CPVL: variants seen among roughly 807,000 people sequenced by gnomAD.
The protein encoded by CPVL is probable serine carboxypeptidase CPVL.
Under a neutral mutation model 63.7 loss-of-function variants are expected in CPVL, and 51 were observed. The ratio of observed to expected loss-of-function variants is 0.80; its 90% CI spans 0.64 to 1.01. The LOEUF is 1.01. Ranked by LOEUF, CPVL falls within the 50% of genes least tolerant of loss-of-function variation. CPVL has a pLI of 0.00. For synonymous variants in CPVL, 195 were observed against 206.0 expected, an observed-to-expected ratio of 0.95 and a Z score of 0.46; for missense variants, 530 against 573.1, an observed-to-expected ratio of 0.92 and a Z score of 0.77.
At chr7:29,076,938 G>A (rs1475706919) in intron 7 of CPVL, among the ~76,000 whole-genome samples, 1 of 152,200 alleles carries the variant, frequency 6.6e-6, no homozygotes, top group East Asian at 1.9e-4. Context: ...GGAGCACATT[G>A]TACTTGTAAA....
At chr7:29,025,564 G>A (rs1403262341) in intron 12 of CPVL, among the ~76,000 whole-genome samples, 1 of 152,040 alleles carries the variant, frequency 6.6e-6, no homozygotes, top group Non-Finnish European at 1.5e-5. Flanking sequence ...GACTTGGAGG[G>A]GACAAACATC....
intron 5 of CPVL, among the ~76,000 whole-genome samples, chr7:29,156,406 A>G (rs1028016193): frequency 6.6e-6 from 1 of 152,196 alleles, no homozygotes. Flanking sequence ...GAGGCACTGT[A>G]CCATCAAGCT....
intron 12 of CPVL, among the ~76,000 whole-genome samples, chr7:29,003,977 A>G (rs1356531422): frequency 1.3e-5 from 2 of 152,202 alleles, no homozygotes; most frequent in African/African-American, 4.8e-5. Context: ...AAAAGGCCAC[A>G]AACAGTTACC....
intron 12 of CPVL, among the ~76,000 whole-genome samples, chr7:29,027,728 A>C (rs1271032932): frequency 1.3e-5 from 2 of 152,226 alleles, no homozygotes; most frequent in Admixed American, 6.5e-5. Context: ...TCCCATTTAC[A>C]ATAGCTACAA....
upstream of CPVL, chr7:29,146,916 G>A: frequency 6.4e-7 from 1 of 1,551,188 alleles, no homozygotes; most frequent in Non-Finnish European, 8.7e-7. Flanking sequence ...TGTTTAAAAA[G>A]GCAACACACG....
chr7:29,077,121 A>C (rs753359830), intron 7 of CPVL, among the ~76,000 whole-genome samples: 2 of 152,232 alleles, frequency 1.3e-5, no homozygotes, highest in Non-Finnish European at 2.9e-5. Context: ...CTTTCAAGGA[A>C]GGGAAAAAGA....
At chr7:29,045,094 T>C (rs317701) in intron 11 of CPVL, among the ~76,000 whole-genome samples, 11,156 of 152,264 alleles carry the variant, frequency 0.073, 462 homozygotes, top group South Asian at 0.12. Context: ...AATGGCTTAA[T>C]GAAAGAATGA....
intron 12 of CPVL, among the ~76,000 whole-genome samples, chr7:29,024,144 C>T (rs1584019703): frequency 6.6e-6 from 1 of 151,920 alleles, no homozygotes; most frequent in Non-Finnish European, 1.5e-5. Context: ...GAGACTGATA[C>T]ATAAAGAAGA....
At chr7:29,100,057 A>T (rs1247388145) in intron 3 of CPVL, among the ~76,000 whole-genome samples, 1 of 152,194 alleles carries the variant, frequency 6.6e-6, no homozygotes, top group Non-Finnish European at 1.5e-5. Context: ...AGATCCACTC[A>T]CCAGTACTGC....
intron 11 of CPVL, among the ~76,000 whole-genome samples, chr7:29,034,129 A>G (rs961262197): frequency 6.6e-6 from 1 of 152,104 alleles, no homozygotes; most frequent in Non-Finnish European, 1.5e-5. Context: ...TTTAAGAGAC[A>G]GTCTCACTAT....
intron 1 of CPVL, among the ~76,000 whole-genome samples, chr7:29,125,477 C>G (rs749179130): frequency 1.3e-4 from 19 of 151,534 alleles, no homozygotes; most frequent in Non-Finnish European, 2.4e-4. Flanking sequence ...ACTACAACCT[C>G]CGCCTCCTCG....
chr7:29,151,159 GC>G (rs1228809149), upstream of CPVL, among the ~76,000 whole-genome samples: 2 of 152,190 alleles, frequency 1.3e-5, no homozygotes, highest in Non-Finnish European at 2.9e-5. Context: ...CCTAAGACTA[GC>G]CACAGGCTAC....
chr7:29,021,590 CCAGCAGT>C (rs988425819), intron 12 of CPVL, among the ~76,000 whole-genome samples: 2 of 151,964 alleles, frequency 1.3e-5, no homozygotes, highest in African/African-American at 4.8e-5. Context: ...TGAGAGATTC[CCAGCAGT>C]CAGCAGTCCA....
chr7:29,088,718 C>T (rs369626121), intron 6 of CPVL, among the ~76,000 whole-genome samples: 96 of 152,186 alleles, frequency 6.3e-4, no homozygotes, highest in African/African-American at 2.0e-3. Flanking sequence ...TGGCCGGGCG[C>T]GGTGGCTCAC....
intron 3 of CPVL, among the ~76,000 whole-genome samples, chr7:29,102,041 G>A (rs1008263641): frequency 2.0e-5 from 3 of 152,152 alleles, no homozygotes; most frequent in Admixed American, 6.5e-5. Context: ...GTCTAAGGCT[G>A]TGGATGCAGA....
intron 11 of CPVL, among the ~76,000 whole-genome samples, chr7:29,054,401 A>C (rs930405838): frequency 3.9e-5 from 6 of 152,130 alleles, no homozygotes; most frequent in Admixed American, 1.3e-4. Context: ...TTTTACTTGA[A>C]ATGTAGTTCT....
intron 7 of CPVL, among the ~76,000 whole-genome samples, chr7:29,077,185 G>A (rs575762322): frequency 2.0e-5 from 3 of 152,202 alleles, no homozygotes; most frequent in African/African-American, 7.2e-5. Flanking sequence ...AACAAATAGT[G>A]TCAGAGAATA....
upstream of CPVL, among the ~76,000 whole-genome samples, chr7:29,150,575 A>G (rs1248406287): frequency 2.6e-5 from 4 of 152,228 alleles, no homozygotes; most frequent in Non-Finnish European, 5.9e-5. Flanking sequence ...CATCTTGATC[A>G]GGTAAATACA....
intron 3 of CPVL, among the ~76,000 whole-genome samples, chr7:29,107,164 T>C (rs1426771599): frequency 6.6e-6 from 1 of 152,218 alleles, no homozygotes; most frequent in Admixed American, 6.5e-5. Context: ...ACAAGTAATA[T>C]TGCCCTTTAT....
Sources: gnomAD v4.1 joint callset for allele counts (sites outside exome capture counted in the v4.1 genomes callset) on GRCh38, gnomAD v4.1.1 for gene constraint, MANE v1.5 for transcripts, NCBI Gene and HGNC (gene_info 2026-07-23, HGNC 2026-07-21) for gene names.